GABPB1: variants seen among roughly 807,000 people sequenced by gnomAD.
GABPB1 encodes GA-binding protein subunit beta-1.
GABPB1 carries 15 observed loss-of-function variants against 45.9 expected under a neutral mutation model. That is an observed-to-expected ratio of 0.33 (90% CI 0.22 to 0.50). The LOEUF is 0.50. Ranked by LOEUF, GABPB1 falls within the 20% of genes least tolerant of loss-of-function variation. GABPB1 has a pLI of 0.98. For missense variants in GABPB1, 252 were observed against 457.5 expected, an observed-to-expected ratio of 0.55 and a Z score of 4.10; for synonymous variants, 143 against 154.4, an observed-to-expected ratio of 0.93 and a Z score of 0.55.
At chr15:50,324,940 T>C (rs1021090203) in intron 1 of GABPB1, among the ~76,000 whole-genome samples, 2 of 152,176 alleles carry the variant, frequency 1.3e-5, no homozygotes, top group Non-Finnish European at 2.9e-5. Flanking sequence ...CTCTGGCTCC[T>C]TGGGGAGACT....
intron 6 of GABPB1, among the ~76,000 whole-genome samples, chr15:50,292,768 T>C (rs1168871284): frequency 6.6e-6 from 1 of 152,148 alleles, no homozygotes; most frequent in Non-Finnish European, 1.5e-5. Flanking sequence ...TCTTGAGAGA[T>C]ACATGCCAAA....
intron 6 of GABPB1, 43 bp downstream of exon 6, chr15:50,300,746 G>T: frequency 1.6e-6 from 2 of 1,263,004 alleles, no homozygotes; most frequent in South Asian, 1.2e-5. Flanking sequence ...CACCCAGCCT[G>T]AATCTGCAAT....
At chr15:50,348,325 G>A (rs1322202950) in intron 1 of GABPB1, among the ~76,000 whole-genome samples, 1 of 152,000 alleles carries the variant, frequency 6.6e-6, no homozygotes, top group Non-Finnish European at 1.5e-5. Flanking sequence ...CACAATCTCC[G>A]CTCACTACAA....
intron 8 of GABPB1, 32 bp downstream of exon 8, chr15:50,286,036 C>T (rs145682817): frequency 8.1e-6 from 13 of 1,602,684 alleles, no homozygotes; most frequent in South Asian, 3.4e-5. Context: ...TGGATGACTG[C>T]GGCAAAGCAC....
intron 1 of GABPB1, among the ~76,000 whole-genome samples, chr15:50,327,705 G>T (rs558598391): frequency 1.3e-5 from 2 of 152,254 alleles, no homozygotes; most frequent in East Asian, 3.9e-4. Context: ...TTTGAGACTA[G>T]CCTGACCAAC....
chr15:50,332,496 A>ACTAACTAC (rs2047981279), intron 1 of GABPB1, among the ~76,000 whole-genome samples: 1 of 152,196 alleles, frequency 6.6e-6, no homozygotes, highest in Non-Finnish European at 1.5e-5. Context: ...AAATGTGAAT[A>ACTAACTAC]CTAACTACAT....
At position 50,275,894 on chromosome 15, in the gene GABPB1, G is replaced by C. The variant is rs1025919362; in HGVS notation, c.*2738C>G. ...CTGAAAGCATCACAGATTCAGTCTA[G>C]AATTTATAATTCTAGAGGTCCAGGG... On this transcript the variant is annotated 3_prime_UTR_variant, in exon 9 of 9. Coordinates refer to ENST00000380877, the MANE Select transcript of GABPB1 (RefSeq NM_016654.5). 5.9e-5 allele frequency: 9 copies of C among 152,288 alleles called. No homozygotes were observed. The South Asian group carries it at 8.3e-4, about 14-fold the overall frequency. 9.4% of individuals were successfully genotyped at this position (152,288 alleles called of 1,614,324 possible).
At chr15:50,309,832 T>C in intron 1 of GABPB1, 34 bp from the exon 2 acceptor site, 1 of 1,235,738 alleles carries the variant, frequency 8.1e-7, no homozygotes, top group Non-Finnish European at 1.2e-6. Context: ...AACATCAAAA[T>C]CTCCATTTAT....
intron 1 of GABPB1, among the ~76,000 whole-genome samples, chr15:50,344,363 C>A (rs964816605): frequency 6.6e-6 from 1 of 152,150 alleles, no homozygotes; most frequent in Non-Finnish European, 1.5e-5. Context: ...CTTTGTTTGA[C>A]AGAATAGACA....
chr15:50,329,858 A>G (rs2047891528), intron 1 of GABPB1, among the ~76,000 whole-genome samples: 1 of 151,584 alleles, frequency 6.6e-6, no homozygotes, highest in Non-Finnish European at 1.5e-5. Context: ...TGCAACATAA[A>G]CAAATTTGCA....
At chr15:50,281,540 C>G (rs1054013560) in intron 8 of GABPB1, among the ~76,000 whole-genome samples, 1 of 152,166 alleles carries the variant, frequency 6.6e-6, no homozygotes, top group African/African-American at 2.4e-5. Flanking sequence ...AGAAACTGGG[C>G]AGGATATGTG....
chr15:50,305,450 C>T (rs1218704741), intron 2 of GABPB1, among the ~76,000 whole-genome samples: 3 of 152,158 alleles, frequency 2.0e-5, no homozygotes, highest in Non-Finnish European at 2.9e-5. Flanking sequence ...CTGCTGGGCT[C>T]AAGCAATCTG....
At chr15:50,316,183 T>C (rs2047320415) in intron 1 of GABPB1, among the ~76,000 whole-genome samples, 1 of 152,272 alleles carries the variant, frequency 6.6e-6, no homozygotes, top group Admixed American at 6.5e-5. Flanking sequence ...TTAAAATGTA[T>C]GTTAATAATA....
At chr15:50,278,815 T>A in intron 8 of GABPB1, 31 bp from the exon 9 acceptor site, 4 of 1,503,810 alleles carry the variant, frequency 2.7e-6, no homozygotes, top group Non-Finnish European at 3.6e-6. Context: ...TTTTTTTTAA[T>A]TTTTGCAAAA....
chr15:50,338,792 C>A (rs985085227), intron 1 of GABPB1, among the ~76,000 whole-genome samples: 6 of 152,186 alleles, frequency 3.9e-5, no homozygotes, highest in African/African-American at 1.4e-4. Context: ...TTAAATATTA[C>A]AGTATAAGCT....
intron 1 of GABPB1, chr15:50,327,139 C>A (rs2047797811): frequency 6.6e-6 from 1 of 152,116 alleles, no homozygotes; most frequent in Non-Finnish European, 1.5e-5. Flanking sequence ...TTTTAGAACT[C>A]TACTGGAATT....
At chr15:50,320,301 G>A (rs2047515065) in intron 1 of GABPB1, among the ~76,000 whole-genome samples, 1 of 152,210 alleles carries the variant, frequency 6.6e-6, no homozygotes, top group East Asian at 1.9e-4. Context: ...CCAAGTAGCT[G>A]GGATTACAGG....
chr15:50,300,803 G>C lies in GABPB1; in HGVS notation c.683C>G (p.Ser228Cys). Residue 228 changes from serine to cysteine, a missense_variant, in exon 6 of 9, where the codon TCT (serine) becomes TGT (cysteine). By Grantham distance (112) the Ser-to-Cys change is moderately radical (BLOSUM62 -1). Around this residue, in one of 4 missense-constraint regions of GABPB1, gnomAD observed 193 missense variants for 259.9 expected, o/e 0.74. Transcript: ENST00000380877. ...GTTTTTCTAACCTGGAGTTTCTGAA[G>C]AATTGGACAATGGAGCAGATGCTTC... Reference protein sequence around the residue: ...LAEASAPLSNSSETPVVATEE... With the variant: ...LAEASAPLSNCSETPVVATEE... 6.2e-7 allele frequency: 1 copy of C among 1,606,454 alleles called. No homozygotes were observed. Among genetic ancestry groups the C allele is most frequent in the East Asian group, 2.2e-5 (1 of 44,844 alleles).
chr15:50,346,132 G>C (rs1008817823), intron 1 of GABPB1, among the ~76,000 whole-genome samples: 1 of 152,006 alleles, frequency 6.6e-6, no homozygotes, highest in Admixed American at 6.6e-5. Flanking sequence ...TACAAAATAA[G>C]ATGAAAGAAC....
Sources: gnomAD v4.1 joint callset for allele counts (sites outside exome capture counted in the v4.1 genomes callset) on GRCh38, gnomAD v4.1.1 for gene constraint, gnomAD v4.1.1 regional missense constraint, MANE v1.5 for transcripts, NCBI Gene and HGNC (gene_info 2026-07-23, HGNC 2026-07-21) for gene names.